ZBTB8OS: variants seen among roughly 807,000 people sequenced by gnomAD.
The protein encoded by ZBTB8OS is tRNA-splicing ligase-activating factor archease.
Under a neutral mutation model 29.3 loss-of-function variants are expected in ZBTB8OS, and 16 were observed. That is an observed-to-expected ratio of 0.55 (90% CI 0.37 to 0.83). The LOEUF is 0.83. Among genes scored for constraint, ZBTB8OS ranks in the 40% least tolerant of loss-of-function variants. ZBTB8OS has a pLI of 0.00. For missense variants in ZBTB8OS, 160 were observed against 196.9 expected (o/e 0.81, Z 1.12); for synonymous variants, 70 against 64.6 (o/e 1.08, Z -0.40).
chr1:32,634,003 C>G lies in ZBTB8OS; in HGVS notation c.192G>C (p.Met64Ile), dbSNP rs763472530. Residue 64 changes from methionine (M) to isoleucine (I), a missense_variant, in exon 3 of 7, where the codon ATG (methionine) becomes ATC (isoleucine). Physicochemically the swap from Met to Ile is conservative, Grantham distance 10 (BLOSUM62 1). Transcript: ENST00000468695. ...GGGGCTCCACTGTCCCAGTATCTGT[C>G]ATGTAACCAAACATGGCCATTGCAC... The part of the protein sequence containing the change: ...EQCAMAMFGY[M>I]TDTGTVEPLQ... 4 of 1,600,216 alleles carry G rather than the reference C, an allele frequency of 2.5e-6. No homozygotes were observed. The Admixed American group carries it at 7.3e-5, about 29-fold the overall frequency.
intron 5 of ZBTB8OS, among the ~76,000 whole-genome samples, chr1:32,630,603 G>A (rs541969718): frequency 4.0e-5 from 6 of 151,570 alleles, no homozygotes; most frequent in South Asian, 2.1e-4. Context: ...GGAGCCGGGC[G>A]TGGTGGTATG....
intron 6 of ZBTB8OS, among the ~76,000 whole-genome samples, chr1:32,622,345 G>A (rs1444801773): frequency 6.6e-6 from 1 of 152,128 alleles, no homozygotes; most frequent in Non-Finnish European, 1.5e-5. Flanking sequence ...ATGGTAGACT[G>A]GATAAAGAAA....
intron 1 of ZBTB8OS, among the ~76,000 whole-genome samples, chr1:32,638,278 C>T (rs558569694): frequency 7.0e-6 from 1 of 143,600 alleles, no homozygotes; most frequent in African/African-American, 2.6e-5. Flanking sequence ...CTGCAACTTC[C>T]ACCTCCCAGG....
intron 1 of ZBTB8OS, among the ~76,000 whole-genome samples, chr1:32,643,022 C>T (rs376493765): frequency 2.1e-5 from 3 of 145,654 alleles, no homozygotes; most frequent in East Asian, 4.2e-4. Context: ...CTGCGGGCCT[C>T]GGCCTCCCAA....
chr1:32,647,981 T>C (rs1646985434), intron 1 of ZBTB8OS, among the ~76,000 whole-genome samples: 1 of 151,832 alleles, frequency 6.6e-6, no homozygotes, highest in Non-Finnish European at 1.5e-5. Flanking sequence ...CGCTGGTTAA[T>C]GAACTGCATT....
intron 1 of ZBTB8OS, among the ~76,000 whole-genome samples, chr1:32,647,215 A>T (rs1646917594): frequency 6.6e-6 from 1 of 150,410 alleles, no homozygotes; most frequent in Non-Finnish European, 1.5e-5. Flanking sequence ...CTAAAAATAC[A>T]AAATTAGCCA....
At chr1:32,643,037 C>A (rs1646543251) in intron 1 of ZBTB8OS, among the ~76,000 whole-genome samples, 2 of 144,930 alleles carry the variant, frequency 1.4e-5, no homozygotes, top group Non-Finnish European at 3.0e-5. Flanking sequence ...TCCCAAAATG[C>A]TGGAATTACA....
chr1:32,650,718 C>T, upstream of ZBTB8OS: 5 of 988,876 alleles, frequency 5.1e-6, no homozygotes, highest in Non-Finnish European at 7.4e-6. Context: ...AAAGCCAAAA[C>T]CCCATCTTCT....
At chr1:32,639,778 A>G (rs1048741779) in intron 1 of ZBTB8OS, among the ~76,000 whole-genome samples, 1 of 152,218 alleles carries the variant, frequency 6.6e-6, no homozygotes, top group Middle Eastern at 3.4e-3. Flanking sequence ...AATAAAAGTT[A>G]TTAATTAAAA....
rs776251001 is a variant in ZBTB8OS, at chr1:32,650,445, T to G, written c.85A>C (p.Arg29=). 1.1e-5 allele frequency: 17 copies of G among 1,614,212 alleles called. No homozygotes were observed. The highest frequency in any genetic ancestry group is 1.4e-5 in the Non-Finnish European group (17 of 1,180,024). Residue 29 remains arginine, a synonymous_variant, in exon 1 of 7, where the codon AGG becomes CGG. Coordinates refer to ENST00000468695, the MANE Select transcript of ZBTB8OS (RefSeq NM_178547.5). ...GCCACCTACTCACACTCGTACTTCCTATTGACTGGCGGATACTTGGCCTTG... is the reference window on the plus strand; with the variant it reads ...GCCACCTACTCACACTCGTACTTCCGATTGACTGGCGGATACTTGGCCTTG... ...AIKAKYPPVN[R]KYEYLDHTAD...
chr1:32,633,788 A>G, intron 3 of ZBTB8OS, 61 bp from the exon 4 acceptor site: 1 of 1,477,048 alleles, frequency 6.8e-7, no homozygotes, highest in South Asian at 1.2e-5. Flanking sequence ...CTTGAATTTA[A>G]AAGTGCAATA....
intron 5 of ZBTB8OS, among the ~76,000 whole-genome samples, chr1:32,631,200 A>C (rs865872480): frequency 3.3e-5 from 5 of 151,640 alleles, no homozygotes; most frequent in Middle Eastern, 3.2e-3. Context: ...TTCAGAAAAC[A>C]AAAAAGTCAG....
Position 32,621,624 on chromosome 1 carries a change from A to C in ZBTB8OS, c.*238T>G. On this transcript the variant is annotated 3_prime_UTR_variant, in exon 7 of 7. Transcript: ENST00000468695. ...TACTGCCACAGCAGAGAATCAAAGG[A>C]CCATAACTGTCCCTTGGGGGGTTGA... 2.1e-6 allele frequency: 1 copy of C among 474,072 alleles called. No individual in the cohort carries two copies. Among genetic ancestry groups the C allele is most frequent in the East Asian group, 4.2e-5 (1 of 23,802 alleles). 29.4% of individuals were successfully genotyped at this position (474,072 alleles called of 1,614,324 possible).
chr1:32,631,697 C>A, intron 5 of ZBTB8OS, 130 bp downstream of exon 5: 1 of 648,860 alleles, frequency 1.5e-6, no homozygotes, highest in Non-Finnish European at 2.7e-6. Flanking sequence ...TCCTTCCAAG[C>A]CCTTAGACAT....
At chr1:32,623,748 C>T (rs1448733023) in intron 6 of ZBTB8OS, among the ~76,000 whole-genome samples, 1 of 152,180 alleles carries the variant, frequency 6.6e-6, no homozygotes, top group African/African-American at 2.4e-5. Flanking sequence ...AGGGCCTTTA[C>T]ACCTGTTTCT....
intron 5 of ZBTB8OS, among the ~76,000 whole-genome samples, chr1:32,630,133 A>G (rs1645433529): frequency 6.6e-6 from 1 of 152,240 alleles, no homozygotes; most frequent in Non-Finnish European, 1.5e-5. Context: ...ATCTCACTTT[A>G]CAAAAAGAAG....
rs959575784 is a variant in ZBTB8OS, at chr1:32,621,550, G to C, written c.*312C>G. 4.4e-5 allele frequency: 13 copies of C among 293,650 alleles called. No homozygotes were observed. The highest frequency in any genetic ancestry group is 1.2e-4 in the South Asian group (2 of 16,804). The allele number at this position is 293,650 out of a possible 1,614,324, so 18.2% of individuals were successfully genotyped here. Reference sequence around the variant, plus strand: ...CTGCTGACATCAGTGATCCTCTCTGGGGTGAGGCTGGAGGGCTTGCATTGC... The same window carrying C: ...CTGCTGACATCAGTGATCCTCTCTGCGGTGAGGCTGGAGGGCTTGCATTGC... On this transcript the variant is annotated 3_prime_UTR_variant, in exon 7 of 7. Transcript: ENST00000468695.
chr1:32,641,265 GTTTTT>G (rs1160526101), intron 1 of ZBTB8OS, among the ~76,000 whole-genome samples: 2 of 97,262 alleles, frequency 2.1e-5, no homozygotes, highest in Admixed American at 1.2e-4. Context: ...AATTACACAA[GTTTTT>G]TTTTTTTTTT....
At chr1:32,635,855 C>T (rs1017817074) in intron 1 of ZBTB8OS, among the ~76,000 whole-genome samples, 6 of 152,104 alleles carry the variant, frequency 3.9e-5, no homozygotes, top group African/African-American at 7.2e-5. Context: ...AGCCCTTTCC[C>T]GAAAAGACCC....
Sources: allele counts gnomAD v4.1 joint callset (sites outside exome capture counted in the v4.1 genomes callset), GRCh38; gene constraint gnomAD v4.1.1; transcripts MANE v1.5; gene names NCBI Gene and HGNC (gene_info 2026-07-23, HGNC 2026-07-21).